KIF5A: variants seen among roughly 807,000 people sequenced by gnomAD.
KIF5A encodes the protein kinesin heavy chain isoform 5A.
KIF5A carries 35 observed loss-of-function variants against 141.3 expected under a neutral mutation model. The observed-to-expected ratio is 0.25, with a 90% confidence interval of 0.19 to 0.33. The LOEUF is 0.33. Among genes scored for constraint, KIF5A ranks in the 10% least tolerant of loss-of-function variants. The pLI is 1.00. For missense variants in KIF5A, 861 were observed against 1,314.3 expected, an observed-to-expected ratio of 0.66 and a Z score of 5.33; for synonymous variants, 448 against 500.2, an observed-to-expected ratio of 0.90 and a Z score of 1.39.
At chr12:57,556,224 C>T (rs1239997991) in intron 1 of KIF5A, among the ~76,000 whole-genome samples, 2 of 151,890 alleles carry the variant, frequency 1.3e-5, no homozygotes, top group African/African-American at 2.4e-5. Context: ...CTGGAAACTC[C>T]GCCTTCCGGG....
In KIF5A at chr12:57,550,181, C is replaced by A; in HGVS notation, c.-91C>A. On this transcript the variant is annotated 5_prime_UTR_variant, in exon 1 of 29. Transcript: ENST00000455537. This position sits in a 1 kb window ranked among gnomAD's most constrained non-coding sequence, Gnocchi z 4.6. ...TCCCCAGAGACTGAGCACCTGTCCT[C>A]CGCCTCGGCCTCTGCTGAGAGCCCT... The A allele has an allele frequency of 1.3e-6, 2 of 1,574,130 alleles. No individual in the cohort carries two copies. The highest frequency in any genetic ancestry group is 1.7e-6 in the Non-Finnish European group (2 of 1,150,780).
In KIF5A at chr12:57,572,868, G is replaced by A. The variant is rs1594919949; in HGVS notation, c.1716+142G>A. ...CTTTGAACTAGACCCAGGAAGACAG[G>A]TAGAGGCTTGTATAGACCCAATTGA... On this transcript the variant is annotated intron_variant, in intron 15 of 28. Transcript: ENST00000455537. This position sits in a 1 kb window ranked among gnomAD's most constrained non-coding sequence, Gnocchi z 4.2. The A allele has an allele frequency of 2.0e-6, 2 of 1,014,318 alleles. No individual in the cohort carries two copies. Among genetic ancestry groups the A allele is most frequent in the East Asian group, 2.4e-5 (1 of 41,980 alleles). 62.8% of individuals were successfully genotyped at this position (1,014,318 alleles called of 1,614,324 possible). A position where few individuals can be genotyped will look rare whatever the true frequency, so the allele number is the denominator to read the frequency against.
intron 28 of KIF5A, among the ~76,000 whole-genome samples, chr12:57,583,682 T>G (rs576764541): frequency 1.3e-5 from 2 of 152,312 alleles, no homozygotes; most frequent in Non-Finnish European, 2.9e-5. Context: ...CCTGCACCTG[T>G]GTCCCATCCT....
chr12:57,556,845 T>C (rs145632168), intron 1 of KIF5A, among the ~76,000 whole-genome samples: 2 of 152,166 alleles, frequency 1.3e-5, no homozygotes, highest in African/African-American at 2.4e-5. Flanking sequence ...GCCTGTTTTA[T>C]ATTCTGGCTG....
chr12:57,578,362 G>C lies in KIF5A; in HGVS notation c.2538+20G>C, dbSNP rs769250322. 6.3e-7 allele frequency: 1 copy of C among 1,575,430 alleles called. No homozygotes were observed. The highest frequency in any genetic ancestry group is 8.7e-7 in the Non-Finnish European group (1 of 1,144,774). On this transcript the variant is annotated intron_variant, in intron 23 of 28. Transcript: ENST00000455537. ...AAACAGGTAAGAGTCTGCTGAAGGA[G>C]TGAAGAGAATTTTTGAGGCCGGGTA...
chr12:57,585,979 G>T lies in KIF5A; in HGVS notation c.*1798G>T, dbSNP rs558442546. 4 of 148,610 alleles carry T rather than the reference G, an allele frequency of 2.7e-5. No individual in the cohort carries two copies. The highest frequency in any genetic ancestry group is 2.0e-4 in the Admixed American group (3 of 14,828). 9.2% of individuals were successfully genotyped at this position (148,610 alleles called of 1,614,324 possible). A position where few individuals can be genotyped will look rare whatever the true frequency, so the allele number is the denominator to read the frequency against. ...GTCTCTTAGGACTGACTGTTCAAAGGCTCCTCAGCAAATGAGCCCTTGAAC... is the reference window on the plus strand; with the variant it reads ...GTCTCTTAGGACTGACTGTTCAAAGTCTCCTCAGCAAATGAGCCCTTGAAC... On this transcript the variant is annotated 3_prime_UTR_variant, in exon 29 of 29. Coordinates refer to ENST00000455537, the MANE Select transcript of KIF5A (RefSeq NM_004984.4).
rs373997459 is a variant in KIF5A at position 57,572,777 on chromosome 12, C to T, written c.1716+51C>T. On this transcript the variant is annotated intron_variant, in intron 15 of 28. Coordinates refer to ENST00000455537, the MANE Select transcript of KIF5A (RefSeq NM_004984.4). The surrounding 1 kb of genome is among the most constrained non-coding windows in gnomAD (Gnocchi z 4.2). ...GTTCAGGCTGGGCACTAGTGGAAGA[C>T]GCAAGATGAGCCATCCAGGCCTTCA... 5.4e-4 allele frequency: 863 copies of T among 1,609,314 alleles called. 7 individuals carry two copies. Among genetic ancestry groups the T allele is most frequent in the Admixed American group, 9.3e-4 (56 of 60,002 alleles).
Position 57,582,030 on chromosome 12 carries a change from T to C in KIF5A, c.2992+78T>C. The C allele has an allele frequency of 6.6e-6, 8 of 1,211,318 alleles. No homozygotes were observed. The South Asian group carries it at 9.8e-5, about 15-fold the overall frequency. The allele number at this position is 1,211,318 out of a possible 1,614,324, so 75.0% of individuals were successfully genotyped here. ...GAGGCATAAAAGTAAGTGACCTTAG[T>C]GTACAAAAAACACTGACTGAACCTT... On this transcript the variant is annotated intron_variant, in intron 26 of 28. Transcript: ENST00000455537.
chr12:57,556,501 T>C (rs1488036786), intron 1 of KIF5A, among the ~76,000 whole-genome samples: 11 of 152,208 alleles, frequency 7.2e-5, no homozygotes, highest in African/African-American at 2.6e-4. Context: ...TCTGCTCTTT[T>C]CTTTCTTCCC....
At chr12:57,582,766 G>A (rs549669364) in intron 27 of KIF5A, 137 bp downstream of exon 27, 2 of 786,504 alleles carry the variant, frequency 2.5e-6, no homozygotes, top group African/African-American at 1.7e-5. Context: ...TTTCATCACT[G>A]TGTTGTCCAG....
In KIF5A at chr12:57,584,370, A is replaced by G. The variant is rs1565706418; in HGVS notation, c.*189A>G. The G allele has an allele frequency of 6.6e-6, 1 of 152,656 alleles. No homozygotes were observed. Among genetic ancestry groups the G allele is most frequent in the Non-Finnish European group, 1.5e-5 (1 of 68,062 alleles). 9.5% of individuals were successfully genotyped at this position (152,656 alleles called of 1,614,324 possible). ...TCTTTGTACTCTGTATCTATATATC[A>G]AAAGCTGCTGCTATGTCTCTCTTCT... On this transcript the variant is annotated 3_prime_UTR_variant, in exon 29 of 29. Transcript: ENST00000455537.
chr12:57,584,920 T>G lies in KIF5A; in HGVS notation c.*739T>G, dbSNP rs2140174221. The G allele has an allele frequency of 6.6e-6, 1 of 152,334 alleles. No homozygotes were observed. Among genetic ancestry groups the G allele is most frequent in the East Asian group, 1.9e-4 (1 of 5,184 alleles). The allele number at this position is 152,334 out of a possible 1,614,324, so 9.4% of individuals were successfully genotyped here. A position where few individuals can be genotyped will look rare whatever the true frequency, so the allele number is the denominator to read the frequency against. ...CCCTTTTTCTTCAAGCTCCTTTTGA[T>G]ATTCCCTGCCCCAGAGCTCATGACC... On this transcript the variant is annotated 3_prime_UTR_variant, in exon 29 of 29. Coordinates refer to ENST00000455537, the MANE Select transcript of KIF5A (RefSeq NM_004984.4).
In KIF5A at chr12:57,585,709, T is replaced by A. The variant is rs1353507670; in HGVS notation, c.*1528T>A. ...GCCAGCTGGTAAGCGCAGGCTGCACTGGCCCATGACTCCTTCAAGGAAAAG... is the reference window on the plus strand; with the variant it reads ...GCCAGCTGGTAAGCGCAGGCTGCACAGGCCCATGACTCCTTCAAGGAAAAG... On this transcript the variant is annotated 3_prime_UTR_variant, in exon 29 of 29. Transcript: ENST00000455537. 1 of 152,312 alleles carries A rather than the reference T, an allele frequency of 6.6e-6. No homozygotes were observed. Among genetic ancestry groups the A allele is most frequent in the Non-Finnish European group, 1.5e-5 (1 of 68,114 alleles). The allele number at this position is 152,312 out of a possible 1,614,324, so 9.4% of individuals were successfully genotyped here. A position where few individuals can be genotyped will look rare whatever the true frequency, so the allele number is the denominator to read the frequency against.
At chr12:57,554,219 A>T (rs180708048) in intron 1 of KIF5A, among the ~76,000 whole-genome samples, 7 of 152,260 alleles carry the variant, frequency 4.6e-5, no homozygotes, top group Admixed American at 1.3e-4. Context: ...ACTGTGCTCT[A>T]CCATTTCTCA....
chr12:57,551,781 C>T (rs760081495), intron 1 of KIF5A, among the ~76,000 whole-genome samples: 5 of 151,964 alleles, frequency 3.3e-5, no homozygotes, highest in Admixed American at 1.3e-4. Flanking sequence ...AAACATGCTT[C>T]GGGGGAGACC....
chr12:57,564,756 A>G (rs1376076846), intron 5 of KIF5A, among the ~76,000 whole-genome samples, 162 bp from the exon 6 acceptor site: 2 of 152,330 alleles, frequency 1.3e-5, no homozygotes, highest in East Asian at 3.9e-4. Flanking sequence ...GAGGAGGAGA[A>G]GGAGGAGGAA....
At chr12:57,573,310 G>C (rs1444331311) in intron 15 of KIF5A, among the ~76,000 whole-genome samples, 2 of 152,184 alleles carry the variant, frequency 1.3e-5, no homozygotes, top group East Asian at 3.9e-4. Flanking sequence ...CAGGCGGATC[G>C]CTTGAGCCCA....
At chr12:57,581,379 T>C in intron 24 of KIF5A, 36 bp from the exon 25 acceptor site, 9 of 1,612,630 alleles carry the variant, frequency 5.6e-6, no homozygotes, top group Non-Finnish European at 6.8e-6. Context: ...TGCAGGGTCA[T>C]AGCCTCCTCA....
chr12:57,566,324 G>A (rs1727234447), intron 6 of KIF5A, among the ~76,000 whole-genome samples: 1 of 151,066 alleles, frequency 6.6e-6, no homozygotes, highest in Non-Finnish European at 1.5e-5. Context: ...GGCTAGTCTC[G>A]AACTCCTGAC....
Sources: gnomAD v4.1 joint callset for allele counts (sites outside exome capture counted in the v4.1 genomes callset) on GRCh38, gnomAD v4.1.1 for gene constraint, Gnocchi (gnomAD v3.1) non-coding constraint, MANE v1.5 for transcripts, NCBI Gene and HGNC (gene_info 2026-07-23, HGNC 2026-07-21) for gene names.